CFAP97D2: variants seen among roughly 807,000 people sequenced by gnomAD.
CFAP97D2 encodes the protein CFAP97 domain containing 2, also known as uncharacterized protein CFAP97D2.
At chr13:114,215,423 A>G (rs143933697) in intron 4 of CFAP97D2, among the ~76,000 whole-genome samples, 3 of 152,308 alleles carry the variant, frequency 2.0e-5, no homozygotes, top group East Asian at 3.9e-4. Context: ...AAATCCATCA[A>G]TAATTTCCCT....
At chr13:114,198,753 T>C (rs2080900747) in intron 2 of CFAP97D2, among the ~76,000 whole-genome samples, 1 of 72,166 alleles carries the variant, frequency 1.4e-5, no homozygotes, top group Non-Finnish European at 2.3e-5. Context: ...CGCTGAGGGG[T>C]GACGGCGCGT....
rs1362349662 is a variant in CFAP97D2 at position 114,187,128 on chromosome 13, G to T, written c.90+7708G>T. On this transcript the variant is annotated intron_variant, in intron 1 of 4. Coordinates refer to ENST00000646158, the Ensembl canonical transcript of CFAP97D2. The surrounding 1 kb of genome is among the most constrained non-coding windows in gnomAD (Gnocchi z 4.2). ...ATTTGAAAGTGGACTTGAGTTATTT[G>T]TAAGTACATATTGCAAATCCTAGGG... 1.3e-5 allele frequency among the ~76,000 whole-genome samples: 2 copies of T among 152,154 alleles called. No individual in the cohort carries two copies. The highest frequency in any genetic ancestry group is 4.8e-5 in the African/African-American group (2 of 41,422).
intron 4 of CFAP97D2, chr13:114,215,647 T>A (rs1282036501): frequency 6.6e-6 from 1 of 152,236 alleles, no homozygotes; most frequent in Admixed American, 6.5e-5. Flanking sequence ...TTATTAAAAA[T>A]CAGTTTACAA....
intron 4 of CFAP97D2, among the ~76,000 whole-genome samples, chr13:114,213,617 A>C (rs1384803054): frequency 7.2e-6 from 1 of 138,576 alleles, no homozygotes; most frequent in East Asian, 2.4e-4. Context: ...AGGACCACGG[A>C]TCCTACCCCT....
At chr13:114,198,082 G>A (rs1275812248) in intron 2 of CFAP97D2, among the ~76,000 whole-genome samples, 1 of 152,068 alleles carries the variant, frequency 6.6e-6, no homozygotes, top group African/African-American at 2.4e-5. Flanking sequence ...CCGCCTCCCG[G>A]GTTCAAGCGA....
Position 114,185,428 on chromosome 13 carries a change from C to T in CFAP97D2, c.90+6008C>T, listed in dbSNP as rs1391622094. On this transcript the variant is annotated intron_variant, in intron 1 of 4. Coordinates refer to ENST00000646158, the Ensembl canonical transcript of CFAP97D2. This position sits in a 1 kb window ranked among gnomAD's most constrained non-coding sequence, Gnocchi z 5.2. ...GTGAGGAGGCATGGCCAGGGCTGCA[C>T]ACTCCACGGAGCCTGTGGGAGCCAG... Among the ~76,000 whole-genome samples, 1 of 152,176 alleles carries T rather than the reference C, an allele frequency of 6.6e-6. No individual in the cohort carries two copies.
chr13:114,200,340 C>T (rs1340221458), exon 3 of CFAP97D2: 1 of 398,676 alleles, frequency 2.5e-6, no homozygotes, highest in Non-Finnish European at 4.4e-6. Flanking sequence ...GGAGGAACGG[C>T]TCTCCGTCAT....
In CFAP97D2 at chr13:114,196,480, C is replaced by T. The variant is rs1020714748; in HGVS notation, c.171+4C>T. On this transcript the variant is annotated splice_donor_region_variant and intron_variant, in intron 2 of 4. Coordinates refer to ENST00000646158, the Ensembl canonical transcript of CFAP97D2. ...CCTGAAACTCAAGAGGCTGAAGGTA[C>T]ACTTTCATTTCTACCTTACTTAATG... is the stretch of plus-strand genomic sequence containing the variant. The T allele has an allele frequency of 5.0e-6, 2 of 399,164 alleles. No homozygotes were observed. The highest frequency in any genetic ancestry group is 8.8e-6 in the Non-Finnish European group (2 of 226,090). The allele number at this position is 399,164 out of a possible 1,614,324, so 24.7% of individuals were successfully genotyped here.
At chr13:114,221,689 T>C (rs2081022867) in intron 4 of CFAP97D2, among the ~76,000 whole-genome samples, 1 of 151,288 alleles carries the variant, frequency 6.6e-6, no homozygotes. Flanking sequence ...ATTGTGCACA[T>C]GTACCCTAGA....
Position 114,201,355 on chromosome 13 carries a change from T to G in CFAP97D2, c.290+912T>G, listed in dbSNP as rs139367975. Among the ~76,000 whole-genome samples the G allele has an allele frequency of 2.8e-3, 425 of 152,298 alleles. 2 individuals carry two copies. The highest frequency in any genetic ancestry group is 9.8e-3 in the African/African-American group (408 of 41,570). Reference sequence around the variant, plus strand: ...GTACCTATCCCCAAGAAGCTTATAGTAGTTTCAGATTTCATAATAAATTAA... The same window carrying G: ...GTACCTATCCCCAAGAAGCTTATAGGAGTTTCAGATTTCATAATAAATTAA... On this transcript the variant is annotated intron_variant, in intron 3 of 4. Coordinates refer to ENST00000646158, the Ensembl canonical transcript of CFAP97D2.
At chr13:114,201,437 A>G in intron 3 of CFAP97D2, among the ~76,000 whole-genome samples, 1 of 152,190 alleles carries the variant, frequency 6.6e-6, no homozygotes, top group East Asian at 1.9e-4. Flanking sequence ...TTGCAGGCCC[A>G]GCAGGGTGCA....
At chr13:114,191,127 C>G (rs898802503) in intron 1 of CFAP97D2, among the ~76,000 whole-genome samples, 3 of 151,920 alleles carry the variant, frequency 2.0e-5, no homozygotes, top group African/African-American at 7.3e-5. Context: ...TATAAAACTC[C>G]TAGAAAATAA....
At chr13:114,212,505 AG>A (rs1482386639) in intron 4 of CFAP97D2, among the ~76,000 whole-genome samples, 1 of 151,920 alleles carries the variant, frequency 6.6e-6, no homozygotes, top group African/African-American at 2.4e-5. Context: ...GCTTGAGCTG[AG>A]GAGTTCGAGA....
intron 3 of CFAP97D2, among the ~76,000 whole-genome samples, chr13:114,208,580 C>A (rs2080952069): frequency 6.6e-6 from 1 of 152,214 alleles, no homozygotes. Context: ...TAAGCACCAA[C>A]TGTAATATCT....
At chr13:114,213,621 T>C (rs1348049994) in intron 4 of CFAP97D2, among the ~76,000 whole-genome samples, 109 of 47,816 alleles carry the variant, frequency 2.3e-3, no homozygotes, top group South Asian at 2.3e-3. Context: ...CCACGGATCC[T>C]ACCCCTGGAC....
At chr13:114,208,029 G>A (rs1445694253) in intron 3 of CFAP97D2, among the ~76,000 whole-genome samples, 2 of 152,166 alleles carry the variant, frequency 1.3e-5, no homozygotes, top group East Asian at 3.8e-4. Context: ...AGATCTGTGA[G>A]CCAGGCTCTT....
chr13:114,209,755 T>C (rs2080958855), intron 3 of CFAP97D2, among the ~76,000 whole-genome samples: 1 of 152,232 alleles, frequency 6.6e-6, no homozygotes, highest in Non-Finnish European at 1.5e-5. Flanking sequence ...TGTTGACCTG[T>C]CTACTGTCTG....
intron 1 of CFAP97D2, among the ~76,000 whole-genome samples, chr13:114,180,679 CGTTGTCAGTAGGGAAA>C (rs1480714197): frequency 6.6e-6 from 1 of 152,156 alleles, no homozygotes; most frequent in Non-Finnish European, 1.5e-5. Context: ...CTTGGTCAAC[CGTTGTCAGTAGGGAAA>C]GATGGAAAGC....
At chr13:114,182,206 A>G (rs534105334) in intron 1 of CFAP97D2, among the ~76,000 whole-genome samples, 7 of 143,462 alleles carry the variant, frequency 4.9e-5, no homozygotes, top group African/African-American at 1.1e-4. Flanking sequence ...AATTAAGTTC[A>G]AGGGAAGGTA....
Sources: gnomAD v4.1 joint callset for allele counts (sites outside exome capture counted in the v4.1 genomes callset) on GRCh38, gnomAD v4.1.1 for gene constraint, Gnocchi (gnomAD v3.1) non-coding constraint, MANE v1.5 for transcripts, NCBI Gene and HGNC (gene_info 2026-07-23, HGNC 2026-07-21) for gene names.